Variants in DCST1 observed in about 807,000 individuals in gnomAD.
DCST1 encodes the protein DC-STAMP domain containing 1.
A neutral mutation model predicts 89.1 loss-of-function variants in DCST1; 78 were observed. That is an observed-to-expected ratio of 0.88 (90% CI 0.73 to 1.06). DCST1 has a LOEUF of 1.06. Ranked by LOEUF, DCST1 falls within the 50% of genes least tolerant of loss-of-function variation. DCST1 has a pLI of 0.00. For synonymous variants in DCST1, 364 were observed against 371.9 expected (o/e 0.98, Z 0.24); for missense variants, 900 against 928.6 (o/e 0.97, Z 0.40).
intron 14 of DCST1, 35 bp downstream of exon 14, chr1:155,047,347 G>A (rs764159039): frequency 1.3e-5 from 21 of 1,578,202 alleles, no homozygotes; most frequent in Middle Eastern, 1.7e-4. Context: ...CAGAGGAATC[G>A]AGGGCGGTGG....
rs1368662580 is a variant in DCST1, at chr1:155,050,773, G to A, written c.2026G>A (p.Asp676Asn). 5.0e-6 allele frequency: 8 copies of A among 1,611,712 alleles called. No individual in the cohort carries two copies. The highest frequency in any genetic ancestry group is 1.7e-5 in the Admixed American group (1 of 59,866). ...CGTGTACTGCTGGTCGTGCTGGGAC[G>A]ACATGCGGCAGCGGTGCCCGGTCTG... ...EAVYCWSCWD[D>N]MRQRCPVCTP... The change falls in exon 17 of 17, where the codon GAC (aspartate) becomes AAC (asparagine). Residue 676 changes from aspartate (D) to asparagine (N), a missense_variant. Physicochemically the swap from Asp to Asn is conservative, Grantham distance 23. Coordinates refer to ENST00000295542, the MANE Select transcript of DCST1 (RefSeq NM_152494.4).
chr1:155,047,988 C>G (rs1192812208), intron 15 of DCST1, 59 bp downstream of exon 15: 1 of 1,612,102 alleles, frequency 6.2e-7, no homozygotes, highest in Non-Finnish European at 8.5e-7. Context: ...ACACACACCA[C>G]CCAGCTCCCT....
chr1:155,046,871 G>A (rs1159105323), intron 13 of DCST1, among the ~76,000 whole-genome samples: 1 of 152,112 alleles, frequency 6.6e-6, no homozygotes, highest in East Asian at 1.9e-4. Context: ...CACCCAAAGT[G>A]CTGGGATTAC....
At chr1:155,035,791 G>A (rs1660264113) in intron 4 of DCST1, among the ~76,000 whole-genome samples, 1 of 151,948 alleles carries the variant, frequency 6.6e-6, no homozygotes, top group Non-Finnish European at 1.5e-5. Context: ...TTAGCCGGAT[G>A]TGGTGGTGCA....
intron 3 of DCST1, 28 bp downstream of exon 3, chr1:155,034,588 T>G (rs1571556587): frequency 6.2e-7 from 1 of 1,613,862 alleles, no homozygotes; most frequent in Non-Finnish European, 8.5e-7. Context: ...AAGTTCGGGG[T>G]GGGCAGAGGC....
intron 16 of DCST1, among the ~76,000 whole-genome samples, chr1:155,050,072 G>A (rs1157216732): frequency 2.0e-5 from 3 of 152,228 alleles, no homozygotes; most frequent in Non-Finnish European, 4.4e-5. Flanking sequence ...CAGGCAGCAG[G>A]GCCTCTGGAG....
At chr1:155,043,547 C>T in intron 10 of DCST1, 38 bp downstream of exon 10, 2 of 1,538,338 alleles carry the variant, frequency 1.3e-6, no homozygotes, top group South Asian at 2.5e-5. Context: ...CCCTCCTCTG[C>T]CCCGGACTGG....
At chr1:155,043,302 G>C in intron 9 of DCST1, 50 bp from the exon 10 acceptor site, 3 of 1,612,946 alleles carry the variant, frequency 1.9e-6, no homozygotes, top group Non-Finnish European at 2.5e-6. Context: ...GTGGGACCCA[G>C]GTCTGACGAG....
Position 155,046,342 on chromosome 1 carries a change from C to T in DCST1, c.1369-18C>T. ...CAGATGGCACTGCCCAGCTCTGCCCCTCCTGCTCCTTGGCCAGGTGAGGGA... is the reference window on the plus strand; with the variant it reads ...CAGATGGCACTGCCCAGCTCTGCCCTTCCTGCTCCTTGGCCAGGTGAGGGA... On this transcript the variant is annotated intron_variant, in intron 12 of 16. Coordinates refer to ENST00000295542, the MANE Select transcript of DCST1 (RefSeq NM_152494.4). 2 of 1,614,180 alleles carry T rather than the reference C, an allele frequency of 1.2e-6. No homozygotes were observed. The highest frequency in any genetic ancestry group is 1.7e-6 in the Non-Finnish European group (2 of 1,180,034).
In DCST1 at chr1:155,039,453, C is replaced by T. The variant is rs1393336601; in HGVS notation, c.313C>T (p.Leu105Phe). ...GTSPHIRCASLLLVPKMLGKE... is the reference protein window; with the variant it reads ...GTSPHIRCASFLLVPKMLGKE... ...CTCCCCTCACATCCGCTGTGCCAGCCTCCTACTAGTACCCAAGATGCTGGG... is the reference window on the plus strand; with the variant it reads ...CTCCCCTCACATCCGCTGTGCCAGCTTCCTACTAGTACCCAAGATGCTGGG... The change falls in exon 5 of 17, where the codon CTC becomes TTC. Residue 105 changes from leucine to phenylalanine, a missense_variant. Transcript: ENST00000295542. 2 of 1,601,230 alleles carry T rather than the reference C, an allele frequency of 1.2e-6. No homozygotes were observed. The highest frequency in any genetic ancestry group is 2.3e-5 in the South Asian group (2 of 88,330).
Position 155,043,378 on chromosome 1 carries a change from G to T in DCST1, c.1041G>T (p.Gly347=), listed in dbSNP as rs368780639. 1.9e-5 allele frequency: 30 copies of T among 1,613,928 alleles called. No homozygotes were observed. The highest frequency in any genetic ancestry group is 2.5e-5 in the Non-Finnish European group (29 of 1,179,980). ...FKEEKQAGVL[G]LNTSWERVST... Reference sequence around the variant, plus strand: ...AAGAGAAGCAGGCTGGGGTGCTGGGGCTCAACACAAGCTGGGAGCGCGTGA... The same window carrying T: ...AAGAGAAGCAGGCTGGGGTGCTGGGTCTCAACACAAGCTGGGAGCGCGTGA... Residue 347 remains glycine, a synonymous_variant, in exon 10 of 17, where the codon GGG becomes GGT. Transcript: ENST00000295542.
At chr1:155,037,988 T>TGGGGCA (rs990397628) in intron 4 of DCST1, among the ~76,000 whole-genome samples, 4 of 152,254 alleles carry the variant, frequency 2.6e-5, no homozygotes, top group Non-Finnish European at 5.9e-5. Flanking sequence ...CCTCAGGGGC[T>TGGGGCA]GGGGCAGGGC....
chr1:155,046,477 T>C lies in DCST1; in HGVS notation c.1486T>C (p.Ser496Pro). ...CCGCCACCACTCCTTCCTGCAGTAC[T>C]CCTTCCGCAGTAAGCCCATCCCCCA... ...TIRHHSFLQYSFRSSHKLEVK... is the reference protein window; with the variant it reads ...TIRHHSFLQYPFRSSHKLEVK... Residue 496 changes from serine to proline, a missense_variant, in exon 13 of 17, where the codon TCC (serine) becomes CCC (proline). Ser to Pro is a moderately conservative substitution (Grantham distance 74). Transcript: ENST00000295542. 6.2e-7 allele frequency: 1 copy of C among 1,613,784 alleles called. No homozygotes were observed. Among genetic ancestry groups the C allele is most frequent in the South Asian group, 1.1e-5 (1 of 91,064 alleles).
chr1:155,049,120 G>T (rs1266906840), intron 16 of DCST1: 2 of 715,286 alleles, frequency 2.8e-6, no homozygotes, highest in Middle Eastern at 4.6e-4. Context: ...GAGGGCCTAA[G>T]TGTGTATCCC....
In DCST1 at chr1:155,041,476, A is replaced by T; in HGVS notation, c.611A>T (p.Glu204Val). The T allele has an allele frequency of 6.2e-7, 1 of 1,614,082 alleles. No homozygotes were observed. The highest frequency in any genetic ancestry group is 2.2e-5 in the East Asian group (1 of 44,878). ...FEDLDAQVNS[E>V]TGYTPEDTMD... is the part of the protein sequence containing the mutation. Reference sequence around the variant, plus strand: ...GACCTGGATGCCCAGGTGAATAGTGAGACGGGCTACACGCCTGAGGATACC... The same window carrying T: ...GACCTGGATGCCCAGGTGAATAGTGTGACGGGCTACACGCCTGAGGATACC... Residue 204 changes from glutamate to valine, a missense_variant, in exon 7 of 17, where the codon GAG (glutamate) becomes GTG (valine). Transcript: ENST00000295542.
intron 4 of DCST1, among the ~76,000 whole-genome samples, chr1:155,038,156 G>C (rs1660328402): frequency 6.6e-6 from 1 of 152,228 alleles, no homozygotes; most frequent in Non-Finnish European, 1.5e-5. Flanking sequence ...CTGGCAGGGG[G>C]AACAGCTAGG....
chr1:155,047,930 G>A lies in DCST1; in HGVS notation c.1755+1G>A. ...CATCGCAGCCTTCTACTTCCCCAAG[G>A]TTTGCCCCTCCCCAGACCTCTCCAC... On this transcript the variant is annotated splice_donor_variant, in intron 15 of 16. Coordinates refer to ENST00000295542, the MANE Select transcript of DCST1 (RefSeq NM_152494.4). LOFTEE classifies it high-confidence loss of function. 1 of 1,613,880 alleles carries A rather than the reference G, an allele frequency of 6.2e-7. No individual in the cohort carries two copies. Among genetic ancestry groups the A allele is most frequent in the Non-Finnish European group, 8.5e-7 (1 of 1,179,956 alleles).
rs1224369008 is a variant in DCST1, at chr1:155,043,447, G to A, written c.1110G>A (p.Leu370=). 3 of 1,612,912 alleles carry A rather than the reference G, an allele frequency of 1.9e-6. No homozygotes were observed. The highest frequency in any genetic ancestry group is 2.5e-6 in the Non-Finnish European group (3 of 1,179,624). The change falls in exon 10 of 17, where the codon CTG becomes CTA. Residue 370 remains leucine (L), a synonymous_variant. Coordinates refer to ENST00000295542, the MANE Select transcript of DCST1 (RefSeq NM_152494.4). ...ACGTGTACCGCCAGGAGGCCCGGCT[G>A]GAGTGGGCCCTGGGGCTGCTGCACG... ...RDYVYRQEAR[L]EWALGLLHVL...
intron 16 of DCST1, 48 bp downstream of exon 16, chr1:155,048,218 T>C: frequency 6.6e-7 from 1 of 1,520,664 alleles, no homozygotes; most frequent in African/African-American, 1.4e-5. Context: ...TGGGTCTAAG[T>C]ACAGCAGGCA....
Sources: gnomAD v4.1 joint callset for allele counts (sites outside exome capture counted in the v4.1 genomes callset) on GRCh38, gnomAD v4.1.1 for gene constraint, MANE v1.5 for transcripts, NCBI Gene and HGNC (gene_info 2026-07-23, HGNC 2026-07-21) for gene names.